The following CISD1 variants were observed in gnomAD, a reference collection of about 807,000 sequenced individuals.
The protein encoded by CISD1 is CDGSH iron-sulfur domain-containing protein 1.
CISD1 carries 8 observed loss-of-function variants against 12.0 expected under a neutral mutation model. The ratio of observed to expected loss-of-function variants is 0.67; its 90% CI spans 0.39 to 1.20. CISD1 has a LOEUF of 1.20. Ranked by LOEUF, CISD1 falls within the 50% of genes most tolerant of loss-of-function variation. The pLI is 0.01. For missense variants in CISD1, 107 were observed against 132.7 expected, an observed-to-expected ratio of 0.81 and a Z score of 0.95; for synonymous variants, 38 against 42.2, an observed-to-expected ratio of 0.90 and a Z score of 0.39.
At chr10:58,279,518 A>G (rs767590464) in intron 2 of CISD1, among the ~76,000 whole-genome samples, 9 of 152,200 alleles carry the variant, frequency 5.9e-5, no homozygotes, top group Admixed American at 1.3e-4. Flanking sequence ...ATTTTGTTCA[A>G]AAATTCCTTG....
At chr10:58,286,086 T>A (rs1839425426) in intron 2 of CISD1, among the ~76,000 whole-genome samples, 1 of 150,744 alleles carries the variant, frequency 6.6e-6, no homozygotes, top group Non-Finnish European at 1.5e-5. Context: ...GCGCCTGTAG[T>A]CCCAGCTACT....
chr10:58,287,465 C>T, intron 2 of CISD1, 96 bp from the exon 3 acceptor site: 1 of 774,826 alleles, frequency 1.3e-6, no homozygotes, highest in Non-Finnish European at 2.0e-6. Flanking sequence ...CCAAGAAAAT[C>T]TTTATGTTAT....
At chr10:58,281,582 G>A (rs1839374666) in intron 2 of CISD1, among the ~76,000 whole-genome samples, 1 of 152,190 alleles carries the variant, frequency 6.6e-6, no homozygotes, top group East Asian at 1.9e-4. Context: ...TATCACACAG[G>A]TGCCAAGTCA....
chr10:58,287,933 C>T lies in CISD1; in HGVS notation c.*283C>T. On this transcript the variant is annotated 3_prime_UTR_variant, in exon 3 of 3. Transcript: ENST00000333926. ...TAAAATACTGACATATAGAGTTGTA[C>T]CTTATATAGAATATAGTTGTATCTT... 1 of 261,720 alleles carries T rather than the reference C, an allele frequency of 3.8e-6. No homozygotes were observed. Among genetic ancestry groups the T allele is most frequent in the Non-Finnish European group, 7.2e-6 (1 of 139,810 alleles). 16.2% of individuals were successfully genotyped at this position (261,720 alleles called of 1,614,324 possible).
chr10:58,284,707 A>AT (rs5785313), intron 2 of CISD1, among the ~76,000 whole-genome samples: 13 of 151,902 alleles, frequency 8.6e-5, no homozygotes. Context: ...TTCTTTGTAT[A>AT]TTTTTTCTAT....
chr10:58,280,164 T>C (rs1261152748), intron 2 of CISD1, among the ~76,000 whole-genome samples: 1 of 152,206 alleles, frequency 6.6e-6, no homozygotes, highest in African/African-American at 2.4e-5. Context: ...CTAGTCTGGT[T>C]CTTGTACTGC....
At chr10:58,275,931 A>C (rs1839310753) in intron 1 of CISD1, among the ~76,000 whole-genome samples, 1 of 152,232 alleles carries the variant, frequency 6.6e-6, no homozygotes. Context: ...AGTGCAAGTA[A>C]ACTATACAAC....
intron 1 of CISD1, among the ~76,000 whole-genome samples, chr10:58,272,127 T>C (rs1216690806): frequency 6.6e-6 from 1 of 152,120 alleles, no homozygotes; most frequent in Non-Finnish European, 1.5e-5. Flanking sequence ...TTTCTTTTGC[T>C]TAAATCTTTG....
rs764505590 is a variant in CISD1 at position 58,289,277 on chromosome 10, A to C, written c.*1627A>C. The C allele has an allele frequency of 2.0e-5, 3 of 152,224 alleles. No homozygotes were observed. The highest frequency in any genetic ancestry group is 4.4e-5 in the Non-Finnish European group (3 of 67,932). The allele number at this position is 152,224 out of a possible 1,614,324, so 9.4% of individuals were successfully genotyped here. A position where few individuals can be genotyped will look rare whatever the true frequency, so the allele number is the denominator to read the frequency against. ...AACTCCCAGTGTTTCTGATAAAGGG[A>C]CATCCTTCTAACTTAACAGACTATT... On this transcript the variant is annotated 3_prime_UTR_variant, in exon 3 of 3. Coordinates refer to ENST00000333926, the MANE Select transcript of CISD1 (RefSeq NM_018464.5).
At chr10:58,271,724 G>A (rs148914722) in intron 1 of CISD1, among the ~76,000 whole-genome samples, 1 of 151,598 alleles carries the variant, frequency 6.6e-6, no homozygotes, top group African/African-American at 2.4e-5. Context: ...CAGAACTCTT[G>A]TTCATCATCA....
intron 1 of CISD1, among the ~76,000 whole-genome samples, chr10:58,271,815 A>G (rs2790173): frequency 0.34 from 51,414 of 152,056 alleles, 10,942 homozygotes; most frequent in African/African-American, 0.61. Flanking sequence ...GGCAGTGAGA[A>G]TGAATGATTG....
Position 58,277,348 on chromosome 10 carries a change from G to A in CISD1, c.237+26G>A, listed in dbSNP as rs192150679. ...GTGAGGAAAGCAATTCCTTCATACA[G>A]TACCATTTTTAATGTTATATTTCTT... On this transcript the variant is annotated intron_variant, in intron 2 of 2. Transcript: ENST00000333926. 25 of 1,430,244 alleles carry A rather than the reference G, an allele frequency of 1.7e-5. No individual in the cohort carries two copies. The East Asian group carries it at 4.3e-4, about 25-fold the overall frequency. The allele number at this position is 1,430,244 out of a possible 1,614,324, so 88.6% of individuals were successfully genotyped here.
chr10:58,281,116 A>G (rs1034953516), intron 2 of CISD1, among the ~76,000 whole-genome samples: 25 of 152,260 alleles, frequency 1.6e-4, no homozygotes, highest in Non-Finnish European at 3.1e-4. Flanking sequence ...AAAGAATCCA[A>G]TAAACTAAAT....
chr10:58,277,379 A>T (rs1437280500), intron 2 of CISD1, 57 bp downstream of exon 2: 1 of 1,208,758 alleles, frequency 8.3e-7, no homozygotes, highest in African/African-American at 1.6e-5. Flanking sequence ...TTCTTTTTAA[A>T]TTATTCTGTC....
intron 2 of CISD1, among the ~76,000 whole-genome samples, chr10:58,278,265 T>C (rs1229501655): frequency 6.6e-6 from 1 of 152,150 alleles, no homozygotes; most frequent in Non-Finnish European, 1.5e-5. Context: ...CAGCAGGGCG[T>C]GGTGTCTCAC....
At chr10:58,271,926 C>T (rs1335805289) in intron 1 of CISD1, among the ~76,000 whole-genome samples, 3 of 152,118 alleles carry the variant, frequency 2.0e-5, no homozygotes, top group Non-Finnish European at 4.4e-5. Flanking sequence ...ACTAAGTGGC[C>T]TTCACTGCCT....
intron 2 of CISD1, among the ~76,000 whole-genome samples, chr10:58,281,865 A>G (rs976898973): frequency 6.6e-6 from 1 of 152,194 alleles, no homozygotes. Flanking sequence ...TAATGTGCAG[A>G]AATTACATTT....
At chr10:58,276,364 A>G (rs1839314802) in intron 1 of CISD1, among the ~76,000 whole-genome samples, 1 of 151,872 alleles carries the variant, frequency 6.6e-6, no homozygotes, top group Non-Finnish European at 1.5e-5. Context: ...ATATATTTAG[A>G]ATTTATTAAA....
At position 58,277,299 on chromosome 10, in the gene CISD1, T is replaced by A; in HGVS notation, c.214T>A (p.Cys72Ser). ...GGATTTGGGAGATAAAGCTGTGTACTGCCGTTGTTGGAGGTCCAAAAAGGT... is the reference window on the plus strand; with the variant it reads ...GGATTTGGGAGATAAAGCTGTGTACAGCCGTTGTTGGAGGTCCAAAAAGGT... ...MEDLGDKAVYCRCWRSKKFPF... is the reference protein window; with the variant it reads ...MEDLGDKAVYSRCWRSKKFPF... The change falls in exon 2 of 3, where the codon TGC becomes AGC. Residue 72 changes from cysteine to serine, a missense_variant. Coordinates refer to ENST00000333926, the MANE Select transcript of CISD1 (RefSeq NM_018464.5). The A allele has an allele frequency of 1.9e-6, 3 of 1,594,662 alleles. No individual in the cohort carries two copies. Among genetic ancestry groups the A allele is most frequent in the Non-Finnish European group, 2.6e-6 (3 of 1,171,686 alleles).
Sources: gnomAD v4.1 joint callset for allele counts (sites outside exome capture counted in the v4.1 genomes callset) on GRCh38, gnomAD v4.1.1 for gene constraint, MANE v1.5 for transcripts, NCBI Gene and HGNC (gene_info 2026-07-23, HGNC 2026-07-21) for gene names.